Variants in TASP1 observed in about 807,000 individuals in gnomAD.
TASP1 encodes threonine aspartase 1.
A neutral mutation model predicts 56.6 loss-of-function variants in TASP1; 16 were observed. The ratio of observed to expected loss-of-function variants is 0.28; its 90% CI spans 0.19 to 0.43. The LOEUF (loss-of-function observed/expected upper bound fraction) is 0.43, where lower values mean the gene tolerates loss of function less well. Ranked by LOEUF, TASP1 falls within the 20% of genes least tolerant of loss-of-function variation. TASP1 has a pLI of 1.00. For synonymous variants in TASP1, 179 were observed against 184.2 expected (o/e 0.97, Z 0.23); for missense variants, 393 against 511.6 (o/e 0.77, Z 2.24).
the TASP1 span, among the ~76,000 whole-genome samples, chr20:13,274,575 C>T: frequency 2.6e-5 from 4 of 152,206 alleles, no homozygotes; most frequent in African/African-American, 9.7e-5. Context: ...GAAGTGTTTC[C>T]CACGCTCCAG....
intron 2 of TASP1, among the ~76,000 whole-genome samples, chr20:13,626,808 C>T (rs1407445447): frequency 6.6e-6 from 1 of 152,126 alleles, no homozygotes; most frequent in African/African-American, 2.4e-5. Context: ...GCATGGGATA[C>T]TATTCCAAAA....
intron 10 of TASP1, among the ~76,000 whole-genome samples, chr20:13,510,137 T>C (rs192403719): frequency 1.3e-3 from 194 of 151,788 alleles, no homozygotes; most frequent in African/African-American, 4.6e-3. Flanking sequence ...TTCCTTCTTT[T>C]CTAGACTTAA....
intron 11 of TASP1, among the ~76,000 whole-genome samples, chr20:13,474,042 C>A (rs2146448539): frequency 1.3e-5 from 2 of 152,304 alleles, no homozygotes; most frequent in South Asian, 4.1e-4. Context: ...TGCTACTGCA[C>A]TCCAGCCTGC....
At chr20:13,623,214 C>A (rs1363302076) in intron 4 of TASP1, among the ~76,000 whole-genome samples, 1 of 151,202 alleles carries the variant, frequency 6.6e-6, no homozygotes. Flanking sequence ...CTTTTGTATT[C>A]ATGAATCTCA....
chr20:13,512,593 C>T (rs2044376839), intron 10 of TASP1, among the ~76,000 whole-genome samples: 1 of 152,138 alleles, frequency 6.6e-6, no homozygotes, highest in African/African-American at 2.4e-5. Flanking sequence ...TGTGCAGAAG[C>T]TCTTTAGTTT....
At chr20:13,434,300 G>C (rs1340677938) in intron 12 of TASP1, among the ~76,000 whole-genome samples, 2 of 152,168 alleles carry the variant, frequency 1.3e-5, no homozygotes, top group Non-Finnish European at 2.9e-5. Context: ...GCCCCTGCTA[G>C]TGCATGTGTC....
chr20:13,292,117 C>T, the TASP1 span, among the ~76,000 whole-genome samples: 2 of 152,200 alleles, frequency 1.3e-5, no homozygotes, highest in Admixed American at 6.5e-5. Context: ...CATCCCTGGG[C>T]TCAGTGAGTG....
chr20:13,139,101 C>G, the TASP1 span, among the ~76,000 whole-genome samples: 1 of 152,200 alleles, frequency 6.6e-6, no homozygotes, highest in Non-Finnish European at 1.5e-5. Context: ...CATCCTCCCT[C>G]CTTCTCCTCC....
chr20:13,395,572 A>T (rs1461717776), intron 13 of TASP1, among the ~76,000 whole-genome samples: 1 of 152,118 alleles, frequency 6.6e-6, no homozygotes, highest in East Asian at 1.9e-4. Context: ...TGTATTTATC[A>T]CTACTTGGGC....
At chr20:13,439,761 G>T (rs780126370) in intron 11 of TASP1, among the ~76,000 whole-genome samples, 6 of 151,874 alleles carry the variant, frequency 4.0e-5, no homozygotes, top group Non-Finnish European at 8.8e-5. Context: ...TTAAAAAGAT[G>T]AAAAATGAGT....
intron 10 of TASP1, among the ~76,000 whole-genome samples, chr20:13,525,818 A>T (rs1227106835): frequency 6.6e-6 from 1 of 152,144 alleles, no homozygotes; most frequent in Non-Finnish European, 1.5e-5. Flanking sequence ...GACAAGAGGG[A>T]CTGGAGATTT....
At position 13,605,012 on chromosome 20, in the gene TASP1, A is replaced by G. The variant is rs1601414977; in HGVS notation, c.283-17642T>C. The stretch of plus-strand genomic sequence containing the variant: ...CATATATATATATATATATATATAT[A>G]TGTATTTCTTATACACCCAACAATA... On this transcript the variant is annotated intron_variant, in intron 4 of 13. Transcript: ENST00000337743. Among the ~76,000 whole-genome samples, 3 of 138,514 alleles carry G rather than the reference A, an allele frequency of 2.2e-5. No homozygotes were observed. The South Asian group carries it at 7.3e-4, about 34-fold the overall frequency. 90.9% of individuals were successfully genotyped at this position (138,514 alleles called of 152,430 possible).
chr20:13,393,524 C>A, intron 13 of TASP1: 1 of 796,386 alleles, frequency 1.3e-6, no homozygotes, highest in Non-Finnish European at 2.2e-6. Context: ...TTGTCTCCTC[C>A]AACAGTGATA....
At chr20:13,209,582 AT>A in the TASP1 span, among the ~76,000 whole-genome samples, 1 of 152,276 alleles carries the variant, frequency 6.6e-6, no homozygotes, top group African/African-American at 2.4e-5. Context: ...TTAAATTGAA[AT>A]TTATCTGAAG....
intron 13 of TASP1, among the ~76,000 whole-genome samples, chr20:13,415,598 A>G (rs759925232): frequency 6.6e-6 from 1 of 152,184 alleles, no homozygotes; most frequent in East Asian, 1.9e-4. Flanking sequence ...ATTGACTACC[A>G]GCTGGAGAAT....
chr20:13,635,971 C>G (rs184088116), intron 1 of TASP1, among the ~76,000 whole-genome samples: 1 of 151,966 alleles, frequency 6.6e-6, no homozygotes, highest in African/African-American at 2.4e-5. Flanking sequence ...AAAACTACCA[C>G]GTCCTGTTGC....
chr20:13,264,280 GTA>G, the TASP1 span, among the ~76,000 whole-genome samples: 1 of 152,264 alleles, frequency 6.6e-6, no homozygotes, highest in Admixed American at 6.5e-5. Context: ...AAGAGAAAAA[GTA>G]CTAAACTTTC....
chr20:13,448,269 T>C (rs1345526965), intron 11 of TASP1, among the ~76,000 whole-genome samples: 1 of 152,120 alleles, frequency 6.6e-6, no homozygotes, highest in Non-Finnish European at 1.5e-5. Flanking sequence ...ACATTTTTAA[T>C]CACATAGTAA....
chr20:13,238,966 A>G, the TASP1 span: 1 of 152,268 alleles, frequency 6.6e-6, no homozygotes, highest in East Asian at 1.9e-4. Context: ...TCACTGGTAC[A>G]TTCAGGAAGA....
Sources: allele counts gnomAD v4.1 joint callset (sites outside exome capture counted in the v4.1 genomes callset), GRCh38; gene constraint gnomAD v4.1.1; transcripts MANE v1.5; gene names NCBI Gene and HGNC (gene_info 2026-07-23, HGNC 2026-07-21).